SPAG9: variants seen among roughly 807,000 people sequenced by gnomAD.
SPAG9 encodes C-Jun-amino-terminal kinase-interacting protein 4.
Under a neutral mutation model 166.5 loss-of-function variants are expected in SPAG9, and 35 were observed. The ratio of observed to expected loss-of-function variants is 0.21; its 90% CI spans 0.16 to 0.28. The LOEUF is 0.28. SPAG9 is among the 10% of genes least tolerant of loss of function. The pLI is 1.00. For synonymous variants in SPAG9, 534 were observed against 565.5 expected (o/e 0.94, Z 0.79); for missense variants, 1,235 against 1,603.3 (o/e 0.77, Z 3.92).
intron 2 of SPAG9, among the ~76,000 whole-genome samples, chr17:51,067,025 TG>T (rs932226327): frequency 6.6e-6 from 1 of 152,238 alleles, no homozygotes; most frequent in Admixed American, 6.5e-5. Context: ...GTGTATTTCA[TG>T]TTTTCTTTAC....
chr17:51,047,385 T>A lies in SPAG9; in HGVS notation c.580A>T (p.Ser194Cys). 2 of 1,559,484 alleles carry A rather than the reference T, an allele frequency of 1.3e-6. No individual in the cohort carries two copies. Among genetic ancestry groups the A allele is most frequent in the Non-Finnish European group, 1.7e-6 (2 of 1,143,192 alleles). The change falls in exon 4 of 30, where the codon AGT becomes TGT. Residue 194 changes from serine to cysteine, a missense_variant. Physicochemically the swap from Ser to Cys is moderately radical, Grantham distance 112. Transcript: ENST00000262013. ...GSDQLESTAH[S>C]RIRKERPISL... ...TATAACAAAGCTTACCTAATTCTACTATGAGCTGTGGATTCTAGTTGATCA... is the reference window on the plus strand; with the variant it reads ...TATAACAAAGCTTACCTAATTCTACAATGAGCTGTGGATTCTAGTTGATCA...
At chr17:51,099,262 C>T (rs969513894) in intron 1 of SPAG9, among the ~76,000 whole-genome samples, 5 of 150,554 alleles carry the variant, frequency 3.3e-5, no homozygotes, top group African/African-American at 4.9e-5. Flanking sequence ...GGAGAAACCC[C>T]GTCTCCAATA....
At chr17:50,981,859 G>A (rs1400269940) in intron 25 of SPAG9, among the ~76,000 whole-genome samples, 6 of 151,702 alleles carry the variant, frequency 4.0e-5, no homozygotes, top group East Asian at 1.9e-4. Flanking sequence ...GTGAAACCCC[G>A]TCTCTACTAA....
intron 6 of SPAG9, among the ~76,000 whole-genome samples, chr17:51,028,283 A>G (rs1239932487): frequency 6.6e-6 from 1 of 152,200 alleles, no homozygotes; most frequent in Non-Finnish European, 1.5e-5. Flanking sequence ...TAAATGTAGT[A>G]TAGTTTAAGT....
intron 13 of SPAG9, among the ~76,000 whole-genome samples, chr17:51,000,448 G>T (rs2047701647): frequency 6.6e-6 from 1 of 152,018 alleles, no homozygotes; most frequent in African/African-American, 2.4e-5. Context: ...GGAAAGTGAA[G>T]TCCAGTTGGG....
intron 6 of SPAG9, among the ~76,000 whole-genome samples, chr17:51,025,376 C>T (rs558978681): frequency 6.8e-6 from 1 of 146,790 alleles, no homozygotes; most frequent in South Asian, 2.2e-4. Flanking sequence ...TAACTGGCAC[C>T]CAATATAAAA....
chr17:51,091,804 C>T (rs1169112664), intron 1 of SPAG9, among the ~76,000 whole-genome samples: 3 of 150,318 alleles, frequency 2.0e-5, no homozygotes, highest in African/African-American at 7.3e-5. Flanking sequence ...CTGGGAGCAA[C>T]TAGACACCGT....
At chr17:51,016,844 T>C (rs1278114502) in intron 8 of SPAG9, among the ~76,000 whole-genome samples, 1 of 151,428 alleles carries the variant, frequency 6.6e-6, no homozygotes, top group Admixed American at 6.6e-5. Flanking sequence ...GAGGTTGCAG[T>C]GAGCCGAGAT....
intron 1 of SPAG9, among the ~76,000 whole-genome samples, chr17:51,092,352 T>TTA (rs10668615): frequency 0.99 from 150,828 of 152,038 alleles, 74,815 homozygotes; most frequent in Middle Eastern, 1. Context: ...AAAAGAACCA[T>TTA]TATATAAAGA....
At position 51,076,881 on chromosome 17, in the gene SPAG9, C is replaced by T. The variant is rs114905761; in HGVS notation, c.424+2703G>A. On this transcript the variant is annotated intron_variant, in intron 2 of 29. Transcript: ENST00000262013. ...TAAAAGATTATATAATCCCTTCATG[C>T]TAGGCATAGTGGCTCATGTCTGAAA... Among the ~76,000 whole-genome samples the T allele has an allele frequency of 8.9e-3, 1,354 of 152,096 alleles. 17 individuals are homozygous for T. Among genetic ancestry groups the T allele is most frequent in the African/African-American group, 0.031 (1,306 of 41,512 alleles).
At position 50,996,683 on chromosome 17, in the gene SPAG9, C is replaced by T. The variant is rs1464942220; in HGVS notation, c.1850G>A (p.Ser617Asn). The change falls in exon 16 of 30, where the codon AGT (serine) becomes AAT (asparagine). Residue 617 changes from serine (S) to asparagine (N), a missense_variant. Physicochemically the swap from Ser to Asn is conservative, Grantham distance 46. Around this residue, in one of 6 missense-constraint regions of SPAG9, gnomAD observed 493 missense variants for 559.4 expected, o/e 0.88. Coordinates refer to ENST00000262013, the MANE Select transcript of SPAG9 (RefSeq NM_001130528.3). ...CTTTTGTTCTCTGCGTGAGGCTAAA[C>T]TAGCTTCAGTTCTAAAAGGAAAAAA... ...FDFLSEETEA[S>N]LASRREQKRE... 10 of 1,614,062 alleles carry T rather than the reference C, an allele frequency of 6.2e-6. No individual in the cohort carries two copies. Among genetic ancestry groups the T allele is most frequent in the Non-Finnish European group, 8.5e-6 (10 of 1,179,942 alleles).
chr17:51,089,663 T>TATATATACACACAC (rs1403230293), intron 1 of SPAG9, among the ~76,000 whole-genome samples: 30 of 78,244 alleles, frequency 3.8e-4, no homozygotes, highest in African/African-American at 1.3e-3. Context: ...TATATATATA[T>TATATATACACACAC]ACACATACAC....
Position 50,970,863 on chromosome 17 carries a change from T to C in SPAG9, c.3701-7A>G, listed in dbSNP as rs769481654. On this transcript the variant is annotated splice_region_variant and splice_polypyrimidine_tract_variant and intron_variant, in intron 28 of 29. Coordinates refer to ENST00000262013, the MANE Select transcript of SPAG9 (RefSeq NM_001130528.3). ...TGTGGGCTGATGACTTGACCTGTTT[T>C]ATACAGAAACAAAAGTGAATATTAC... is the stretch of plus-strand genomic sequence containing the variant. 6.2e-7 allele frequency: 1 copy of C among 1,612,548 alleles called. No individual in the cohort carries two copies. The highest frequency in any genetic ancestry group is 8.5e-7 in the Non-Finnish European group (1 of 1,179,050).
At chr17:51,021,992 A>G (rs1274275888) in intron 6 of SPAG9, among the ~76,000 whole-genome samples, 1 of 151,954 alleles carries the variant, frequency 6.6e-6, no homozygotes. Flanking sequence ...GCATGGTGGC[A>G]GGCACCTATG....
intron 3 of SPAG9, among the ~76,000 whole-genome samples, chr17:51,055,049 A>C (rs567475140): frequency 8.6e-4 from 131 of 152,256 alleles, no homozygotes; most frequent in African/African-American, 3.1e-3. Flanking sequence ...TTTTTAAATA[A>C]ATAAATAAAC....
In SPAG9 at chr17:51,000,408, C is replaced by T. The variant is rs190214309; in HGVS notation, c.1608-691G>A. On this transcript the variant is annotated intron_variant, in intron 13 of 29. Transcript: ENST00000262013. Reference sequence around the variant, plus strand: ...CTATTTCCTTTAATTTGTTGACTACCACTTGGCTGCTAGAGTTAAAAACAG... The same window carrying T: ...CTATTTCCTTTAATTTGTTGACTACTACTTGGCTGCTAGAGTTAAAAACAG... Among the ~76,000 whole-genome samples, 80 of 152,148 alleles carry T rather than the reference C, an allele frequency of 5.3e-4. 1 individual carries two copies. The highest frequency in any genetic ancestry group is 3.4e-3 in the Middle Eastern group (1 of 294).
chr17:51,044,817 C>T lies in SPAG9; in HGVS notation c.590+2558G>A, dbSNP rs931501135. ...TTTCCTTGGAACTTCCTACTTGGAA[C>T]TACCAACTTTTTGACAATTTAATCT... On this transcript the variant is annotated intron_variant, in intron 4 of 29. Transcript: ENST00000262013. Among the ~76,000 whole-genome samples, 9 of 152,258 alleles carry T rather than the reference C, an allele frequency of 5.9e-5. No homozygotes were observed. The East Asian group carries it at 1.5e-3, about 26-fold the overall frequency.
intron 3 of SPAG9, among the ~76,000 whole-genome samples, chr17:51,051,992 C>T (rs2047196733): frequency 6.6e-6 from 1 of 152,130 alleles, no homozygotes. Context: ...ATATTTCTTC[C>T]ACTGCCCTCT....
In SPAG9 at chr17:50,995,492, A is replaced by G; in HGVS notation, c.2010T>C (p.Pro670=). 6.2e-7 allele frequency: 1 copy of G among 1,612,378 alleles called. No individual in the cohort carries two copies. The highest frequency in any genetic ancestry group is 8.5e-7 in the Non-Finnish European group (1 of 1,178,502). The stretch of plus-strand genomic sequence containing the variant: ...CCAGAGGTCTGAGATAGACAGGCAC[A>G]GGTAAATTTTTCATCTTATTTTCAC... ...GQGENKMKNL[P]VPVYLRPLDE... The change falls in exon 17 of 30, where the codon CCT becomes CCC. Residue 670 remains proline (P), a synonymous_variant. Transcript: ENST00000262013.
Sources: gnomAD v4.1 joint callset for allele counts (sites outside exome capture counted in the v4.1 genomes callset) on GRCh38, gnomAD v4.1.1 for gene constraint, gnomAD v4.1.1 regional missense constraint, MANE v1.5 for transcripts, NCBI Gene and HGNC (gene_info 2026-07-23, HGNC 2026-07-21) for gene names.